The following TAFA2 variants were observed in gnomAD, a reference collection of about 807,000 sequenced individuals.
TAFA2 encodes the protein TAFA chemokine like family member 2, also known as chemokine-like protein TAFA-2.
TAFA2 carries 7 observed loss-of-function variants against 18.8 expected under a neutral mutation model. The ratio of observed to expected loss-of-function variants is 0.37; its 90% CI spans 0.21 to 0.70. The LOEUF is 0.70. Among genes scored for constraint, TAFA2 ranks in the 30% least tolerant of loss-of-function variants. The probability of loss-of-function intolerance (pLI) is 0.53; values close to 1 mark genes in which losing one functional copy is unlikely to be tolerated. For synonymous variants in TAFA2, 60 were observed against 54.2 expected, an observed-to-expected ratio of 1.11 and a Z score of -0.47; for missense variants, 122 against 158.1, an observed-to-expected ratio of 0.77 and a Z score of 1.23.
intron 1 of TAFA2, among the ~76,000 whole-genome samples, chr12:62,153,789 T>C (rs535655189): frequency 6.6e-6 from 1 of 152,200 alleles, no homozygotes; most frequent in Non-Finnish European, 1.5e-5. Context: ...ACTTAGGTGC[T>C]GTGTGCTCTT....
At chr12:61,821,808 A>G (rs1872333757) in intron 2 of TAFA2, among the ~76,000 whole-genome samples, 1 of 152,142 alleles carries the variant, frequency 6.6e-6, no homozygotes, top group South Asian at 2.1e-4. Context: ...AGAAATGAGA[A>G]TGCTTCAGAC....
chr12:62,150,681 T>A (rs893563177), intron 1 of TAFA2, among the ~76,000 whole-genome samples: 1 of 152,020 alleles, frequency 6.6e-6, no homozygotes, highest in African/African-American at 2.4e-5. Flanking sequence ...GGCTGTTGGA[T>A]CATTTGAGGT....
chr12:62,145,359 T>C (rs1227689577), intron 1 of TAFA2, among the ~76,000 whole-genome samples: 1 of 152,226 alleles, frequency 6.6e-6, no homozygotes, highest in Non-Finnish European at 1.5e-5. Context: ...GAACTGCGCA[T>C]GCAAGGAATC....
At chr12:61,752,773 A>G (rs1282268541) in intron 4 of TAFA2, among the ~76,000 whole-genome samples, 1 of 152,050 alleles carries the variant, frequency 6.6e-6, no homozygotes. Context: ...TATATCAAGT[A>G]GTATTGTAAA....
intron 1 of TAFA2, among the ~76,000 whole-genome samples, chr12:62,188,909 A>T (rs191029110): frequency 2.6e-5 from 4 of 152,286 alleles, no homozygotes; most frequent in African/African-American, 7.2e-5. Flanking sequence ...GCAATATGTA[A>T]TCTATTTTTA....
intron 1 of TAFA2, among the ~76,000 whole-genome samples, chr12:62,167,701 G>C (rs2062449791): frequency 1.3e-5 from 2 of 152,142 alleles, no homozygotes; most frequent in African/African-American, 4.8e-5. Context: ...AAAAACAACA[G>C]ATGTCCCTAG....
At chr12:61,799,111 G>T (rs895232394) in intron 2 of TAFA2, among the ~76,000 whole-genome samples, 1 of 152,110 alleles carries the variant, frequency 6.6e-6, no homozygotes, top group South Asian at 2.1e-4. Context: ...ATCAACTTTT[G>T]TGATTAAAAT....
chr12:61,879,994 C>T (rs2121267118), intron 1 of TAFA2: 1 of 791,092 alleles, frequency 1.3e-6, no homozygotes, highest in Non-Finnish European at 2.2e-6. Context: ...TCAACTTCCT[C>T]AGGCAGCTGC....
In TAFA2 at chr12:61,928,872, G is replaced by T. The variant is rs181588980; in HGVS notation, c.-1-61446C>A. ...AGTCTGTTGCAGGGACATGGAAGAA[G>T]CTGGAAATCATCATTCTCAGCAAAC... On this transcript the variant is annotated intron_variant, in intron 1 of 4. Transcript: ENST00000416284. 2.0e-5 allele frequency among the ~76,000 whole-genome samples: 3 copies of T among 152,190 alleles called. No homozygotes were observed. The East Asian group carries it at 5.8e-4, about 29-fold the overall frequency.
intron 2 of TAFA2, among the ~76,000 whole-genome samples, chr12:61,808,799 G>A (rs1871736915): frequency 6.6e-6 from 1 of 151,416 alleles, no homozygotes; most frequent in Non-Finnish European, 1.5e-5. Context: ...TCTTTGCACA[G>A]TGCCTGCAGC....
At chr12:62,247,170 C>T (rs985744194) in intron 1 of TAFA2, among the ~76,000 whole-genome samples, 1 of 151,974 alleles carries the variant, frequency 6.6e-6, no homozygotes, top group Non-Finnish European at 1.5e-5. Context: ...GTTTTTAACT[C>T]TTTTTTTAAT....
intron 1 of TAFA2, among the ~76,000 whole-genome samples, chr12:61,912,791 A>T (rs898418792): frequency 2.6e-5 from 4 of 152,218 alleles, no homozygotes; most frequent in African/African-American, 9.6e-5. Flanking sequence ...AACACAGGTG[A>T]ATCAAAGAAA....
chr12:61,750,434 C>G (rs1592364445), intron 4 of TAFA2, among the ~76,000 whole-genome samples: 1 of 152,106 alleles, frequency 6.6e-6, no homozygotes, highest in Non-Finnish European at 1.5e-5. Context: ...ACAAAACACT[C>G]AAGTTCCAAA....
At position 62,181,999 on chromosome 12, in the gene TAFA2, C is replaced by CCA. The variant is rs548525246; in HGVS notation, c.-2+9259_-2+9260insTG. On this transcript the variant is annotated intron_variant, in intron 1 of 4. Coordinates refer to ENST00000416284, the MANE Select transcript of TAFA2 (RefSeq NM_178539.5). ...TCTTTTCTCAAGTCCATCCCCCCCC[C>CCA]GCTACACATAGTAGCTACTCAAGTA... is the stretch of plus-strand genomic sequence containing the variant. Among the ~76,000 whole-genome samples, 15 of 150,404 alleles carry CCA rather than the reference C, an allele frequency of 1.0e-4. 1 individual carries two copies. The highest frequency in any genetic ancestry group is 5.3e-4 in the Admixed American group (8 of 15,110).
chr12:61,986,186 T>G (rs1879810961), intron 1 of TAFA2, among the ~76,000 whole-genome samples: 2 of 145,304 alleles, frequency 1.4e-5, no homozygotes, highest in Admixed American at 6.9e-5. Context: ...TTTTTTTTTT[T>G]GTCTCACTCA....
At chr12:61,836,756 T>TATATATATATATACACACAC (rs68158949) in intron 2 of TAFA2, among the ~76,000 whole-genome samples, 18 of 119,844 alleles carry the variant, frequency 1.5e-4, no homozygotes, top group African/African-American at 5.0e-4. Context: ...TATATATATA[T>TATATATATATATACACACAC]ACACACACAC....
chr12:61,960,500 A>C (rs1217184259), intron 1 of TAFA2, among the ~76,000 whole-genome samples: 1 of 152,086 alleles, frequency 6.6e-6, no homozygotes, highest in Non-Finnish European at 1.5e-5. Context: ...TGTCTTCAAA[A>C]TTATCCTGTG....
At chr12:62,133,546 T>C (rs1870774168) in intron 1 of TAFA2, among the ~76,000 whole-genome samples, 1 of 152,034 alleles carries the variant, frequency 6.6e-6, no homozygotes, top group African/African-American at 2.4e-5. Context: ...CCAGAAACCT[T>C]ATCTCCATTA....
At chr12:61,787,290 A>T (rs188973544) in intron 2 of TAFA2, among the ~76,000 whole-genome samples, 1 of 151,620 alleles carries the variant, frequency 6.6e-6, no homozygotes, top group Admixed American at 6.6e-5. Flanking sequence ...CACCAGACTG[A>T]TCTTACAAGA....
Sources: gnomAD v4.1 joint callset for allele counts (sites outside exome capture counted in the v4.1 genomes callset) on GRCh38, gnomAD v4.1.1 for gene constraint, MANE v1.5 for transcripts, NCBI Gene and HGNC (gene_info 2026-07-23, HGNC 2026-07-21) for gene names.